Variants in FILIP1 observed in about 807,000 individuals in gnomAD.
The protein encoded by FILIP1 is filamin-A-interacting protein 1.
In FILIP1, 61 loss-of-function variants were observed where a neutral mutation model predicts 102.1. The ratio of observed to expected loss-of-function variants is 0.60; its 90% CI spans 0.49 to 0.74. FILIP1 has a LOEUF of 0.74. Among genes scored for constraint, FILIP1 ranks in the 30% least tolerant of loss-of-function variants. FILIP1 has a pLI of 0.00. For missense variants in FILIP1, 1,314 were observed against 1,441.2 expected (o/e 0.91, Z 1.43); for synonymous variants, 491 against 526.9 (o/e 0.93, Z 0.93).
chr6:75,400,318 A>C (rs1235129685), intron 2 of FILIP1, among the ~76,000 whole-genome samples: 1 of 152,192 alleles, frequency 6.6e-6, no homozygotes, highest in Non-Finnish European at 1.5e-5. Flanking sequence ...AATTGCAACT[A>C]CAAAGTAATT....
At chr6:75,308,932 T>C (rs202017707) in intron 5 of FILIP1, 35 bp from the exon 6 acceptor site, 1,353 of 1,607,964 alleles carry the variant, frequency 8.4e-4, no homozygotes, top group Non-Finnish European at 1.0e-3. Context: ...ACAAGGGAGA[T>C]GTTGGTGAGT....
At chr6:75,350,403 T>G (rs1233851741) in intron 4 of FILIP1, among the ~76,000 whole-genome samples, 1 of 24,208 alleles carries the variant, frequency 4.1e-5, no homozygotes, top group Non-Finnish European at 1.1e-4. Flanking sequence ...TTTTAAAGTT[T>G]TTTTTTTTTT....
At chr6:75,435,086 G>T (rs1777968308) in intron 1 of FILIP1, among the ~76,000 whole-genome samples, 1 of 152,154 alleles carries the variant, frequency 6.6e-6, no homozygotes, top group Admixed American at 6.5e-5. Flanking sequence ...GATTCAGTTT[G>T]CCAGTATTTT....
chr6:75,321,941 G>C (rs567352030), intron 4 of FILIP1, among the ~76,000 whole-genome samples: 2 of 152,304 alleles, frequency 1.3e-5, no homozygotes, highest in South Asian at 4.1e-4. Flanking sequence ...TGGAAGGCCT[G>C]TGCAGAGAGA....
rs1308141507 is a variant in FILIP1 at position 75,314,883 on chromosome 6, T to C, written c.949A>G (p.Met317Val). 3.1e-6 allele frequency: 5 copies of C among 1,614,028 alleles called. No homozygotes were observed. The African/African-American group carries it at 4.0e-5, about 13-fold the overall frequency. Residue 317 changes from methionine (M) to valine (V), a missense_variant, in exon 5 of 6, where the codon ATG becomes GTG. By Grantham distance (21) the Met-to-Val change is conservative. Transcript: ENST00000237172. ...TCTTGATTAGCCAGTTTAGCGTTCA[T>C]CTCTTCATGCTCTTGAGAAAACCTC... ...ASRFSQEHEE[M>V]NAKLANQESH...
At chr6:75,489,935 C>T (rs1314105101) in intron 1 of FILIP1, among the ~76,000 whole-genome samples, 4 of 151,936 alleles carry the variant, frequency 2.6e-5, no homozygotes, top group Non-Finnish European at 4.4e-5. Context: ...AATCTCAACA[C>T]GAGCTTGCCC....
At chr6:75,393,820 T>C (rs2149660907) in intron 2 of FILIP1, among the ~76,000 whole-genome samples, 1 of 152,332 alleles carries the variant, frequency 6.6e-6, no homozygotes, top group African/African-American at 2.4e-5. Context: ...GTTCTGCTAA[T>C]TGGAGTCAGT....
chr6:75,442,650 A>G lies in FILIP1; in HGVS notation c.-6-27672T>C, dbSNP rs570434907. 8.0e-3 allele frequency among the ~76,000 whole-genome samples: 1,225 copies of G among 152,274 alleles called. 19 individuals are homozygous for G. Among genetic ancestry groups the G allele is most frequent in the African/African-American group, 0.028 (1,147 of 41,564 alleles). On this transcript the variant is annotated intron_variant, in intron 1 of 5. Transcript: ENST00000237172. ...GCGCCTGCAATCGCAGGCACTCGGCAGGCTGAGGCAGGAGAATCAGGCAGG... is the reference window on the plus strand; with the variant it reads ...GCGCCTGCAATCGCAGGCACTCGGCGGGCTGAGGCAGGAGAATCAGGCAGG...
At chr6:75,387,354 T>C (rs1776135402) in intron 2 of FILIP1, among the ~76,000 whole-genome samples, 1 of 152,188 alleles carries the variant, frequency 6.6e-6, no homozygotes, top group African/African-American at 2.4e-5. Flanking sequence ...TAAACATATG[T>C]GTGCATATGT....
chr6:75,415,189 T>C (rs1777221399), intron 1 of FILIP1, among the ~76,000 whole-genome samples: 1 of 152,076 alleles, frequency 6.6e-6, no homozygotes. Context: ...TCAAGCCAAA[T>C]GATCAAGGTC....
intron 5 of FILIP1, among the ~76,000 whole-genome samples, chr6:75,310,339 A>T (rs913082761): frequency 1.1e-4 from 16 of 152,170 alleles, no homozygotes; most frequent in African/African-American, 3.9e-4. Flanking sequence ...TGTCTATTCC[A>T]CTGAGTCAAG....
intron 1 of FILIP1, among the ~76,000 whole-genome samples, chr6:75,460,700 A>G (rs995327608): frequency 1.7e-4 from 26 of 152,210 alleles, no homozygotes; most frequent in African/African-American, 6.0e-4. Flanking sequence ...TGAGATTCCA[A>G]TGTGAGCCTT....
intron 4 of FILIP1, among the ~76,000 whole-genome samples, chr6:75,323,475 G>C (rs1257212395): frequency 1.3e-5 from 2 of 152,198 alleles, no homozygotes; most frequent in African/African-American, 2.4e-5. Flanking sequence ...CTTAAAATAT[G>C]ATAGAAAACA....
At chr6:75,440,940 C>T (rs966897967) in intron 1 of FILIP1, among the ~76,000 whole-genome samples, 9 of 137,052 alleles carry the variant, frequency 6.6e-5, no homozygotes, top group African/African-American at 2.5e-4. Context: ...CAAGGAGCGA[C>T]GTCTCAAAAA....
intron 4 of FILIP1, among the ~76,000 whole-genome samples, chr6:75,321,891 A>G (rs929824526): frequency 6.6e-6 from 1 of 152,196 alleles, no homozygotes; most frequent in Non-Finnish European, 1.5e-5. Context: ...ACTTTGGGAA[A>G]TGCCCAAAAA....
intron 1 of FILIP1, among the ~76,000 whole-genome samples, chr6:75,456,614 T>A (rs1448301200): frequency 6.6e-6 from 1 of 151,260 alleles, no homozygotes; most frequent in South Asian, 2.1e-4. Context: ...GGCTGCAGTG[T>A]GGTGGCACGA....
chr6:75,471,159 CAAAAAA>C (rs67671264), intron 1 of FILIP1, among the ~76,000 whole-genome samples: 2 of 72,292 alleles, frequency 2.8e-5, no homozygotes, highest in African/African-American at 1.0e-4. Flanking sequence ...GACCTTGTCT[CAAAAAA>C]AAAAAAAAAA....
intron 3 of FILIP1, among the ~76,000 whole-genome samples, chr6:75,360,473 A>G (rs1775140131): frequency 6.6e-6 from 1 of 152,226 alleles, no homozygotes; most frequent in South Asian, 2.1e-4. Flanking sequence ...AGGAGAAAAC[A>G]AAAACAAACT....
intron 4 of FILIP1, among the ~76,000 whole-genome samples, chr6:75,329,269 T>C (rs901645407): frequency 6.6e-6 from 1 of 152,214 alleles, no homozygotes; most frequent in Non-Finnish European, 1.5e-5. Context: ...TGGAATAAAG[T>C]GGTGTAAGAT....
Sources: gnomAD v4.1 joint callset for allele counts (sites outside exome capture counted in the v4.1 genomes callset) on GRCh38, gnomAD v4.1.1 for gene constraint, MANE v1.5 for transcripts, NCBI Gene and HGNC (gene_info 2026-07-23, HGNC 2026-07-21) for gene names.